The following RBFOX2 variants were observed in gnomAD, a reference collection of about 807,000 sequenced individuals.
The protein encoded by RBFOX2 is RNA binding fox-1 homolog 2, also known as RNA binding protein fox-1 homolog 2.
A neutral mutation model predicts 49.1 loss-of-function variants in RBFOX2; 10 were observed. That is an observed-to-expected ratio of 0.20 (90% CI 0.13 to 0.35). The LOEUF is 0.35. Ranked by LOEUF, RBFOX2 falls within the 10% of genes least tolerant of loss-of-function variation. The pLI is 1.00. For synonymous variants in RBFOX2, 183 were observed against 187.4 expected (o/e 0.98, Z 0.19); for missense variants, 323 against 486.9 (o/e 0.66, Z 3.17).
At chr22:35,899,834 C>G in intron 1 of RBFOX2, among the ~76,000 whole-genome samples, 1 of 152,090 alleles carries the variant, frequency 6.6e-6, no homozygotes, top group East Asian at 1.9e-4. Context: ...AGCTTATCAC[C>G]CTATCTGTTA....
At chr22:35,812,470 C>T (rs1952093109) in intron 1 of RBFOX2, among the ~76,000 whole-genome samples, 1 of 152,126 alleles carries the variant, frequency 6.6e-6, no homozygotes, top group African/African-American at 2.4e-5. Flanking sequence ...TATCTCCCTT[C>T]CCCTTCAAAT....
intron 2 of RBFOX2, among the ~76,000 whole-genome samples, chr22:35,786,653 T>C (rs962306009): frequency 1.8e-4 from 27 of 152,034 alleles, no homozygotes; most frequent in Non-Finnish European, 3.5e-4. Context: ...TGGCCTGGAG[T>C]GCATGTTCTT....
At chr22:35,799,433 T>C (rs1173417720) in intron 2 of RBFOX2, among the ~76,000 whole-genome samples, 1 of 152,212 alleles carries the variant, frequency 6.6e-6, no homozygotes, top group Admixed American at 6.5e-5. Context: ...CAGAAGCTTC[T>C]AGCCCAAGGT....
intron 1 of RBFOX2, among the ~76,000 whole-genome samples, chr22:36,020,999 A>G (rs2059224646): frequency 6.6e-6 from 1 of 152,148 alleles, no homozygotes; most frequent in Non-Finnish European, 1.5e-5. Context: ...ACCAACCCAA[A>G]TGCCCATCAA....
intron 1 of RBFOX2, among the ~76,000 whole-genome samples, chr22:35,900,963 A>G (rs1192472817): frequency 1.3e-5 from 2 of 152,230 alleles, no homozygotes; most frequent in Non-Finnish European, 2.9e-5. Context: ...ACCCTGGAAG[A>G]CAAAACAGTG....
intron 1 of RBFOX2, among the ~76,000 whole-genome samples, chr22:36,000,622 G>C (rs2058375773): frequency 6.6e-6 from 1 of 152,152 alleles, no homozygotes; most frequent in Non-Finnish European, 1.5e-5. Context: ...CGAAGGGTGG[G>C]AAGGTGAATG....
intron 1 of RBFOX2, among the ~76,000 whole-genome samples, chr22:36,013,646 C>G (rs150967663): frequency 2.0e-5 from 3 of 147,160 alleles, no homozygotes; most frequent in Non-Finnish European, 4.4e-5. Context: ...CACACACACA[C>G]ACAGAGAGAG....
intron 1 of RBFOX2, among the ~76,000 whole-genome samples, chr22:35,853,352 T>A (rs894599258): frequency 7.9e-5 from 12 of 151,982 alleles, no homozygotes; most frequent in African/African-American, 2.9e-4. Context: ...GTGTTATAGT[T>A]CTATATTTGT....
chr22:35,839,441 TGAGTGG>T (rs1958317932), intron 1 of RBFOX2, among the ~76,000 whole-genome samples: 3 of 142,692 alleles, frequency 2.1e-5, no homozygotes, highest in South Asian at 4.5e-4. Flanking sequence ...GGGGAGAGAG[TGAGTGG>T]GAGTGGGAGA....
At chr22:36,007,696 G>A (rs1444654773) in intron 1 of RBFOX2, among the ~76,000 whole-genome samples, 2 of 152,100 alleles carry the variant, frequency 1.3e-5, no homozygotes, top group Non-Finnish European at 2.9e-5. Flanking sequence ...GGAGGCAACC[G>A]CTGGGGAGTC....
chr22:35,890,551 T>C (rs568500644), intron 1 of RBFOX2, among the ~76,000 whole-genome samples: 1 of 152,268 alleles, frequency 6.6e-6, no homozygotes, highest in East Asian at 1.9e-4. Context: ...AGTGAAGCCA[T>C]GGATAAGGGG....
intron 1 of RBFOX2, among the ~76,000 whole-genome samples, chr22:35,952,404 A>C (rs2055053593): frequency 6.6e-6 from 1 of 152,202 alleles, no homozygotes; most frequent in Non-Finnish European, 1.5e-5. Context: ...AAAACCTATA[A>C]TACACCAAGT....
At chr22:35,947,294 G>A (rs1324849355) in intron 1 of RBFOX2, among the ~76,000 whole-genome samples, 1 of 152,140 alleles carries the variant, frequency 6.6e-6, no homozygotes, top group East Asian at 1.9e-4. Context: ...TGTGATGCTG[G>A]TGTAAACAAG....
chr22:35,995,225 A>G (rs1254009993), intron 1 of RBFOX2: 1 of 152,186 alleles, frequency 6.6e-6, no homozygotes, highest in African/African-American at 2.4e-5. Context: ...TCAGTCACCC[A>G]TTCATCTCAT....
intron 1 of RBFOX2, among the ~76,000 whole-genome samples, chr22:36,006,429 T>C (rs972019418): frequency 2.0e-5 from 3 of 152,250 alleles, no homozygotes; most frequent in Non-Finnish European, 2.9e-5. Context: ...CAACTACATA[T>C]GTACAACATA....
At chr22:35,844,746 T>C (rs2040961270), upstream of RBFOX2, among the ~76,000 whole-genome samples, 1 of 151,486 alleles carries the variant, frequency 6.6e-6, no homozygotes, top group South Asian at 2.1e-4. Flanking sequence ...CCTCAGGTGA[T>C]CCAACCGTCT....
At chr22:35,861,464 A>C (rs145992454) in intron 1 of RBFOX2, among the ~76,000 whole-genome samples, 7 of 152,058 alleles carry the variant, frequency 4.6e-5, no homozygotes, top group Non-Finnish European at 1.0e-4. Context: ...AAACAAAACA[A>C]CCCACGTTTT....
intron 1 of RBFOX2, among the ~76,000 whole-genome samples, chr22:35,976,963 C>CAAA (rs199582145): frequency 1.7e-5 from 1 of 59,554 alleles, no homozygotes; most frequent in Non-Finnish European, 3.5e-5. Context: ...GACTCCGTCT[C>CAAA]AAAAAAAAAA....
chr22:35,901,338 C>T (rs562470507), intron 1 of RBFOX2, among the ~76,000 whole-genome samples: 1 of 152,276 alleles, frequency 6.6e-6, no homozygotes, highest in South Asian at 2.1e-4. Context: ...TACCTCTGCC[C>T]ATTACCAAGA....
Sources: gnomAD v4.1 joint callset for allele counts (sites outside exome capture counted in the v4.1 genomes callset) on GRCh38, gnomAD v4.1.1 for gene constraint, MANE v1.5 for transcripts, NCBI Gene and HGNC (gene_info 2026-07-23, HGNC 2026-07-21) for gene names.